RANGAP1: variants seen among roughly 807,000 people sequenced by gnomAD.
RANGAP1 encodes the protein Ran GTPase activating protein 1, also known as ran GTPase-activating protein 1.
RANGAP1 carries 38 observed loss-of-function variants against 63.5 expected under a neutral mutation model. The ratio of observed to expected loss-of-function variants is 0.60; its 90% CI spans 0.46 to 0.78. The LOEUF (loss-of-function observed/expected upper bound fraction) is 0.78. Among genes scored for constraint, RANGAP1 ranks in the 30% least tolerant of loss-of-function variants. The pLI is 0.00. For synonymous variants in RANGAP1, 329 were observed against 310.5 expected, an observed-to-expected ratio of 1.06 and a Z score of -0.63; for missense variants, 630 against 740.3, an observed-to-expected ratio of 0.85 and a Z score of 1.73.
the RANGAP1 span, among the ~76,000 whole-genome samples, chr22:41,295,115 G>C: frequency 1.3e-5 from 2 of 148,850 alleles, no homozygotes; most frequent in African/African-American, 5.1e-5. Flanking sequence ...CCCCGTCCGG[G>C]AGGTGAGGGG....
chr22:41,280,664 TG>T (rs1251821165), intron 2 of RANGAP1: 1 of 1,388,584 alleles, frequency 7.2e-7, no homozygotes, highest in Non-Finnish European at 9.5e-7. Context: ...GCACTAACTG[TG>T]GCCCCTCATT....
At chr22:41,247,207 C>A (rs558409919) in intron 15 of RANGAP1, among the ~76,000 whole-genome samples, 2 of 152,250 alleles carry the variant, frequency 1.3e-5, no homozygotes, top group African/African-American at 4.8e-5. Flanking sequence ...AGACGCCCAC[C>A]ACCATGCCCA....
chr22:41,265,532 G>C (rs539604934), intron 4 of RANGAP1, among the ~76,000 whole-genome samples: 1 of 152,158 alleles, frequency 6.6e-6, no homozygotes, highest in Non-Finnish European at 1.5e-5. Flanking sequence ...TTCCCTGTTC[G>C]TGCAGGAGGA....
At chr22:41,289,874 G>A (rs1458419093), upstream of RANGAP1, among the ~76,000 whole-genome samples, 1 of 152,146 alleles carries the variant, frequency 6.6e-6, no homozygotes, top group African/African-American at 2.4e-5. Context: ...TGAGCATGGT[G>A]GCTCACAACC....
rs571038584 is a variant in RANGAP1 at position 41,285,671 on chromosome 22, C to A, written c.-39+315G>T. 4.1e-5 allele frequency: 40 copies of A among 985,422 alleles called. No homozygotes were observed. In the South Asian group the frequency reaches 1.5e-3, roughly 37 times the overall value. The allele number at this position is 985,422 out of a possible 1,614,324, so 61.0% of individuals were successfully genotyped here. ...TAGGCGGGCGGCGCAGGAGCCCCAT[C>A]TGGAATCCCCGGCGGACTCGCACCG... On this transcript the variant is annotated intron_variant, in intron 1 of 15. Transcript: ENST00000356244.
intron 3 of RANGAP1, among the ~76,000 whole-genome samples, chr22:41,273,362 G>A (rs1157438879): frequency 3.3e-5 from 5 of 152,222 alleles, no homozygotes. Context: ...TTCTCACAGA[G>A]CGTATCAGAA....
intron 3 of RANGAP1, among the ~76,000 whole-genome samples, chr22:41,269,627 C>G (rs1341941074): frequency 6.6e-6 from 1 of 151,234 alleles, no homozygotes; most frequent in South Asian, 2.1e-4. Flanking sequence ...CCCAGCCACT[C>G]TAGAGGCCAC....
chr22:41,253,183 G>A, intron 11 of RANGAP1, 192 bp from the exon 12 acceptor site: 1 of 576,600 alleles, frequency 1.7e-6, no homozygotes, highest in South Asian at 6.3e-5. Context: ...GCCCTGGATG[G>A]CTCTTGGTCC....
chr22:41,246,349 G>A lies in RANGAP1; in HGVS notation c.*254C>T. ...GCAGCTCACAGCCCTTTCCCCTGGG[G>A]GCCAACTCCCCACAACAGAGCAGGG... On this transcript the variant is annotated 3_prime_UTR_variant, in exon 16 of 16. Transcript: ENST00000356244. The A allele has an allele frequency of 2.6e-6, 1 of 379,616 alleles. No individual in the cohort carries two copies. The highest frequency in any genetic ancestry group is 4.8e-6 in the Non-Finnish European group (1 of 206,788). The allele number at this position is 379,616 out of a possible 1,614,324, so 23.5% of individuals were successfully genotyped here.
chr22:41,270,722 T>C (rs937774912), intron 3 of RANGAP1, among the ~76,000 whole-genome samples: 1 of 152,120 alleles, frequency 6.6e-6, no homozygotes, highest in African/African-American at 2.4e-5. Context: ...GGAAGCTGGT[T>C]TTTGCAGAAA....
At chr22:41,261,325 C>T in intron 6 of RANGAP1, 121 bp downstream of exon 6, 1 of 1,437,622 alleles carries the variant, frequency 7.0e-7, no homozygotes, top group Non-Finnish European at 9.5e-7. Flanking sequence ...TTGGAGAGGG[C>T]ACGTGACGCC....
At position 41,274,729 on chromosome 22, in the gene RANGAP1, T is replaced by G; in HGVS notation, c.113-2A>C. On this transcript the variant is annotated splice_acceptor_variant, in intron 2 of 15. Coordinates refer to ENST00000356244, the MANE Select transcript of RANGAP1 (RefSeq NM_002883.4). LOFTEE classifies it high-confidence loss of function. ...CAATCTCTTTAATCACATCTTTAGC[T>G]GCCAGGGACCAAAGAGCAGAACCTT... 1 of 1,613,994 alleles carries G rather than the reference T, an allele frequency of 6.2e-7. No homozygotes were observed. The highest frequency in any genetic ancestry group is 8.5e-7 in the Non-Finnish European group (1 of 1,179,950).
At chr22:41,291,681 G>A in the RANGAP1 span, among the ~76,000 whole-genome samples, 2 of 150,942 alleles carry the variant, frequency 1.3e-5, no homozygotes, top group African/African-American at 2.4e-5. Flanking sequence ...GGTGGATCAC[G>A]AGGTCAGGAG....
At chr22:41,301,430 C>G in the RANGAP1 span, 1 of 152,406 alleles carries the variant, frequency 6.6e-6, no homozygotes, top group South Asian at 2.1e-4. Context: ...GCCCCCCGCC[C>G]TTCTCCCCAG....
chr22:41,294,804 C>T, the RANGAP1 span, among the ~76,000 whole-genome samples: 1 of 104,496 alleles, frequency 9.6e-6, no homozygotes, highest in Admixed American at 1.0e-4. Context: ...AGTGAGGAGC[C>T]CCTCCGCCCA....
intron 5 of RANGAP1, 62 bp from the exon 6 acceptor site, chr22:41,261,642 C>T: frequency 1.9e-6 from 3 of 1,606,986 alleles, no homozygotes; most frequent in Admixed American, 3.4e-5. Context: ...GCGGGGTGGC[C>T]ACTGCTGCTG....
At chr22:41,259,291 G>T (rs1380218294) in intron 6 of RANGAP1, among the ~76,000 whole-genome samples, 37 of 152,260 alleles carry the variant, frequency 2.4e-4, no homozygotes, top group Non-Finnish European at 8.8e-5. Flanking sequence ...CAGGGCAATG[G>T]GGGGAGCGGG....
chr22:41,290,870 A>T (rs1779404860), upstream of RANGAP1, among the ~76,000 whole-genome samples: 2 of 152,234 alleles, frequency 1.3e-5, no homozygotes, highest in African/African-American at 4.8e-5. Flanking sequence ...TATGCCAGAC[A>T]TGTGAGGAAT....
chr22:41,255,210 G>T (rs1450506870), intron 10 of RANGAP1, among the ~76,000 whole-genome samples: 2 of 152,150 alleles, frequency 1.3e-5, no homozygotes, highest in Non-Finnish European at 2.9e-5. Flanking sequence ...TGCCCCATAG[G>T]AAGGCTGGAC....
Sources: allele counts gnomAD v4.1 joint callset (sites outside exome capture counted in the v4.1 genomes callset), GRCh38; gene constraint gnomAD v4.1.1; transcripts MANE v1.5; gene names NCBI Gene and HGNC (gene_info 2026-07-23, HGNC 2026-07-21).